Variants in CCSER1 observed in about 807,000 individuals in gnomAD.
CCSER1 encodes serine-rich coiled-coil domain-containing protein 1.
In CCSER1, 41 loss-of-function variants were observed where a neutral mutation model predicts 82.0. The observed-to-expected ratio is 0.50, with a 90% CI of 0.39 to 0.65. CCSER1 has a LOEUF of 0.65. CCSER1 is among the 30% of genes least tolerant of loss of function. CCSER1 has a pLI of 0.00. For missense variants in CCSER1, 1,119 were observed against 1,064.2 expected (o/e 1.05, Z -0.72); for synonymous variants, 414 against 383.9 (o/e 1.08, Z -0.92).
At chr4:90,956,666 C>T in intron 9 of CCSER1, among the ~76,000 whole-genome samples, 1 of 151,946 alleles carries the variant, frequency 6.6e-6, no homozygotes, top group Middle Eastern at 3.5e-3. Context: ...AAGCAATTAA[C>T]AGACACTTTA....
chr4:90,788,389 T>C (rs1352320581), intron 7 of CCSER1, among the ~76,000 whole-genome samples: 1 of 152,188 alleles, frequency 6.6e-6, no homozygotes, highest in African/African-American at 2.4e-5. Flanking sequence ...GGAAATCTAT[T>C]GTCACAGTTC....
intron 1 of CCSER1, among the ~76,000 whole-genome samples, chr4:90,295,280 A>G (rs1375025773): frequency 6.6e-6 from 1 of 151,974 alleles, no homozygotes; most frequent in Non-Finnish European, 1.5e-5. Context: ...GACTTTAACA[A>G]TTTGGATTTC....
Position 90,752,443 on chromosome 4 carries a change from G to A in CCSER1, c.2010+28452G>A, listed in dbSNP as rs1442657763. Among the ~76,000 whole-genome samples the A allele has an allele frequency of 2.6e-5, 4 of 152,144 alleles. No individual in the cohort carries two copies. The East Asian group carries it at 7.7e-4, about 29-fold the overall frequency. On this transcript the variant is annotated intron_variant, in intron 7 of 10. Coordinates refer to ENST00000509176, the MANE Select transcript of CCSER1 (RefSeq NM_001145065.2). ...GAGTCTTTCTAGGTTACTTCCAAGG[G>A]CTTAGGTAATTTGGGCCTGAGTCAT...
chr4:90,811,181 A>G (rs1385519508), intron 7 of CCSER1, among the ~76,000 whole-genome samples: 1 of 152,078 alleles, frequency 6.6e-6, no homozygotes, highest in African/African-American at 2.4e-5. Flanking sequence ...AGGTATTGTG[A>G]GGGAGAGAAG....
intron 1 of CCSER1, among the ~76,000 whole-genome samples, chr4:90,182,981 A>C (rs1484726391): frequency 6.6e-6 from 1 of 152,044 alleles, no homozygotes; most frequent in Non-Finnish European, 1.5e-5. Flanking sequence ...ATTACACACA[A>C]AAATATTTTT....
chr4:90,284,891 A>T (rs1314223227), intron 1 of CCSER1, among the ~76,000 whole-genome samples: 1 of 152,018 alleles, frequency 6.6e-6, no homozygotes, highest in East Asian at 1.9e-4. Context: ...GAAGAGACAG[A>T]CTGTCCTTTC....
chr4:90,410,541 A>C (rs567333450), intron 4 of CCSER1, among the ~76,000 whole-genome samples: 1 of 152,356 alleles, frequency 6.6e-6, no homozygotes, highest in Non-Finnish European at 1.5e-5. Context: ...CTGGGTACAT[A>C]ATGAAATGAA....
At chr4:91,549,493 T>C (rs192817241) in intron 10 of CCSER1, among the ~76,000 whole-genome samples, 2 of 151,898 alleles carry the variant, frequency 1.3e-5, no homozygotes, top group Admixed American at 1.3e-4. Context: ...ATAATGCAAT[T>C]GTAAACTGTG....
intron 6 of CCSER1, among the ~76,000 whole-genome samples, chr4:90,686,626 C>T (rs944801487): frequency 6.6e-6 from 1 of 152,040 alleles, no homozygotes; most frequent in South Asian, 2.1e-4. Flanking sequence ...TTAGCCTAAG[C>T]ATAACTCTTT....
chr4:90,236,780 T>G (rs923321500), intron 1 of CCSER1, among the ~76,000 whole-genome samples: 3 of 152,118 alleles, frequency 2.0e-5, no homozygotes, highest in Non-Finnish European at 4.4e-5. Flanking sequence ...TTAAAAAATT[T>G]GCGGGAATTT....
chr4:90,429,249 G>T (rs1560504875), intron 4 of CCSER1, among the ~76,000 whole-genome samples: 1 of 151,664 alleles, frequency 6.6e-6, no homozygotes, highest in African/African-American at 2.4e-5. Context: ...AAGTATTGAT[G>T]AAAAAAAGAT....
intron 9 of CCSER1, among the ~76,000 whole-genome samples, chr4:91,081,785 C>A (rs1722785643): frequency 6.6e-6 from 1 of 152,044 alleles, no homozygotes; most frequent in African/African-American, 2.4e-5. Context: ...AAACAGAGTG[C>A]CAAATTATGA....
At chr4:91,224,894 T>A (rs936746008) in intron 10 of CCSER1, among the ~76,000 whole-genome samples, 1 of 151,598 alleles carries the variant, frequency 6.6e-6, no homozygotes, top group Non-Finnish European at 1.5e-5. Flanking sequence ...CTCACAGGGA[T>A]TAAGAATGAA....
At chr4:90,487,593 T>G (rs1482296750) in intron 5 of CCSER1, among the ~76,000 whole-genome samples, 1 of 152,220 alleles carries the variant, frequency 6.6e-6, no homozygotes, top group Non-Finnish European at 1.5e-5. Flanking sequence ...AGGGCCTCAA[T>G]AAGCATGTAT....
intron 4 of CCSER1, among the ~76,000 whole-genome samples, chr4:90,403,098 GT>G (rs945289294): frequency 1.6e-4 from 24 of 152,178 alleles, no homozygotes. Context: ...ATGTTGTGTG[GT>G]TTTTAAAAAG....
chr4:90,323,597 G>C (rs1475039953), intron 3 of CCSER1, among the ~76,000 whole-genome samples: 1 of 152,102 alleles, frequency 6.6e-6, no homozygotes, highest in Non-Finnish European at 1.5e-5. Flanking sequence ...CAAATTTTCT[G>C]TCTGTGCTGC....
intron 10 of CCSER1, among the ~76,000 whole-genome samples, chr4:91,426,340 A>G (rs1753971263): frequency 6.6e-6 from 1 of 152,172 alleles, no homozygotes; most frequent in African/African-American, 2.4e-5. Context: ...TAGTGCTGCA[A>G]TAAACATACG....
At chr4:91,422,542 T>G (rs1446540827) in intron 10 of CCSER1, among the ~76,000 whole-genome samples, 1 of 152,158 alleles carries the variant, frequency 6.6e-6, no homozygotes, top group Non-Finnish European at 1.5e-5. Context: ...AACAGAGAAT[T>G]AGGAGGACAT....
chr4:90,675,609 C>A, intron 6 of CCSER1, among the ~76,000 whole-genome samples: 1 of 22,322 alleles, frequency 4.5e-5, no homozygotes, highest in Non-Finnish European at 9.1e-5. Context: ...TGTTAACACA[C>A]ATGATCTAAA....
Sources: gnomAD v4.1 joint callset for allele counts (sites outside exome capture counted in the v4.1 genomes callset) on GRCh38, gnomAD v4.1.1 for gene constraint, MANE v1.5 for transcripts, NCBI Gene and HGNC (gene_info 2026-07-23, HGNC 2026-07-21) for gene names.